Variants in VEPH1 observed in about 807,000 individuals in gnomAD.
The protein encoded by VEPH1 is ventricular zone-expressed PH domain-containing protein homolog 1.
A neutral mutation model predicts 85.2 loss-of-function variants in VEPH1; 80 were observed. That is an observed-to-expected ratio of 0.94 (90% CI 0.78 to 1.13). VEPH1 has a LOEUF of 1.13. Among genes scored for constraint, VEPH1 ranks in the 50% most tolerant of loss-of-function variants. The pLI, the probability that VEPH1 is intolerant of heterozygous loss-of-function variation, is 0.00. For synonymous variants in VEPH1, 297 were observed against 348.0 expected, an observed-to-expected ratio of 0.85 and a Z score of 1.63; for missense variants, 955 against 980.5, an observed-to-expected ratio of 0.97 and a Z score of 0.35.
rs373992792 is a variant in VEPH1 at position 157,495,356 on chromosome 3, G to A, written c.-7C>T. On this transcript the variant is annotated 5_prime_UTR_variant, in exon 2 of 14. Coordinates refer to ENST00000362010, the MANE Select transcript of VEPH1 (RefSeq NM_001167912.2). Reference sequence around the variant, plus strand: ...GTCTGAACAGTTGATGCATGGTGAGGATGAGTTTGATCAGTTGACTTTCTA... The same window carrying A: ...GTCTGAACAGTTGATGCATGGTGAGAATGAGTTTGATCAGTTGACTTTCTA... 2.5e-6 allele frequency: 4 copies of A among 1,613,530 alleles called. No individual in the cohort carries two copies. The highest frequency in any genetic ancestry group is 3.4e-6 in the Non-Finnish European group (4 of 1,179,702).
chr3:157,282,861 T>A (rs1302224000), intron 12 of VEPH1, among the ~76,000 whole-genome samples: 1 of 152,230 alleles, frequency 6.6e-6, no homozygotes, highest in African/African-American at 2.4e-5. Context: ...CTCTCATTCA[T>A]GTGGAATAAC....
At chr3:157,486,144 A>G (rs1295611203) in intron 2 of VEPH1, among the ~76,000 whole-genome samples, 1 of 152,204 alleles carries the variant, frequency 6.6e-6, no homozygotes, top group Admixed American at 6.5e-5. Flanking sequence ...TAATATAGAT[A>G]TTAAGACATC....
intron 11 of VEPH1, among the ~76,000 whole-genome samples, chr3:157,311,129 A>G (rs541717944): frequency 6.6e-6 from 1 of 152,366 alleles, no homozygotes; most frequent in Admixed American, 6.5e-5. Flanking sequence ...TGGTCAATAC[A>G]GCAAAATCCC....
intron 3 of VEPH1, among the ~76,000 whole-genome samples, chr3:157,462,061 T>C (rs1397312604): frequency 1.4e-5 from 2 of 147,850 alleles, no homozygotes; most frequent in South Asian, 2.1e-4. Flanking sequence ...ATAATATATA[T>C]TATAAATATA....
At chr3:157,362,068 T>A (rs1232534047) in intron 9 of VEPH1, among the ~76,000 whole-genome samples, 1 of 152,052 alleles carries the variant, frequency 6.6e-6, no homozygotes, top group Non-Finnish European at 1.5e-5. Flanking sequence ...TCCCACTCAA[T>A]TGCCCAGGCT....
intron 9 of VEPH1, among the ~76,000 whole-genome samples, chr3:157,357,028 C>A (rs974197871): frequency 2.6e-5 from 4 of 152,108 alleles, no homozygotes; most frequent in Non-Finnish European, 5.9e-5. Context: ...ACCCTTCTAT[C>A]TTAATAATAA....
chr3:157,267,529 A>G (rs1050027658), intron 12 of VEPH1, among the ~76,000 whole-genome samples: 2 of 151,880 alleles, frequency 1.3e-5, no homozygotes, highest in Non-Finnish European at 2.9e-5. Flanking sequence ...TCATGCCTGT[A>G]ATCCCAGCAC....
intron 11 of VEPH1, among the ~76,000 whole-genome samples, chr3:157,306,908 T>C (rs1370302127): frequency 1.3e-5 from 2 of 152,144 alleles, no homozygotes; most frequent in Admixed American, 6.5e-5. Context: ...TACATACTCA[T>C]AGCTTAGCTC....
rs762289716 is a variant in VEPH1, at chr3:157,381,380, C to T, written c.907-4G>A. The T allele has an allele frequency of 5.0e-6, 8 of 1,613,730 alleles. No homozygotes were observed. The highest frequency in any genetic ancestry group is 6.8e-6 in the Non-Finnish European group (8 of 1,179,856). ...TCAGGCAGCTCCTGGCTCTCTCCTA[C>T]CAAAAACAATGAAGAAAATAGGTTT... is the stretch of plus-strand genomic sequence containing the variant. On this transcript the variant is annotated splice_polypyrimidine_tract_variant and splice_region_variant and intron_variant, in intron 6 of 13. Transcript: ENST00000362010.
chr3:157,382,098 A>T (rs1007162131), intron 6 of VEPH1, among the ~76,000 whole-genome samples: 1 of 152,178 alleles, frequency 6.6e-6, no homozygotes, highest in Non-Finnish European at 1.5e-5. Context: ...TGATGGTTGC[A>T]TATTCCACTA....
At chr3:157,484,143 A>G (rs756270169) in intron 2 of VEPH1, among the ~76,000 whole-genome samples, 1 of 152,214 alleles carries the variant, frequency 6.6e-6, no homozygotes, top group Non-Finnish European at 1.5e-5. Flanking sequence ...ACATTTCATA[A>G]CAGCAATAAT....
intron 4 of VEPH1, among the ~76,000 whole-genome samples, chr3:157,457,075 T>C (rs1003283819): frequency 3.3e-5 from 5 of 152,288 alleles, no homozygotes; most frequent in South Asian, 2.1e-4. Flanking sequence ...GTTCTCCTTA[T>C]AGAGATCTTT....
chr3:157,415,230 A>G (rs1031901909), intron 5 of VEPH1: 1 of 152,020 alleles, frequency 6.6e-6, no homozygotes, highest in Non-Finnish European at 1.5e-5. Context: ...CCATTAATTC[A>G]CTCATTCACA....
chr3:157,295,465 TG>T (rs1718006216), intron 11 of VEPH1, among the ~76,000 whole-genome samples: 1 of 152,106 alleles, frequency 6.6e-6, no homozygotes. Context: ...ATTATCATTT[TG>T]TTGACATGTT....
chr3:157,281,033 G>A (rs1206492988), intron 12 of VEPH1, among the ~76,000 whole-genome samples: 1 of 151,978 alleles, frequency 6.6e-6, no homozygotes, highest in Non-Finnish European at 1.5e-5. Flanking sequence ...AGGACAGAGA[G>A]AGAGAAATTA....
intron 9 of VEPH1, among the ~76,000 whole-genome samples, chr3:157,331,596 C>A (rs983190838): frequency 6.6e-6 from 1 of 152,072 alleles, no homozygotes; most frequent in Non-Finnish European, 1.5e-5. Context: ...TGCAGAGGAC[C>A]GCAGGACACC....
intron 11 of VEPH1, among the ~76,000 whole-genome samples, chr3:157,304,617 A>G (rs1392785523): frequency 1.3e-5 from 2 of 152,162 alleles, no homozygotes; most frequent in East Asian, 3.8e-4. Flanking sequence ...CATTTCTTCA[A>G]TAAATCAACT....
chr3:157,282,678 A>G (rs1716289357), intron 12 of VEPH1, among the ~76,000 whole-genome samples: 1 of 152,220 alleles, frequency 6.6e-6, no homozygotes, highest in Non-Finnish European at 1.5e-5. Flanking sequence ...CTACTTTAAC[A>G]AAATGTGACT....
chr3:157,439,256 AT>A (rs769825473), intron 4 of VEPH1, among the ~76,000 whole-genome samples: 1 of 152,190 alleles, frequency 6.6e-6, no homozygotes, highest in African/African-American at 2.4e-5. Flanking sequence ...GAATTACTCT[AT>A]TTTTTATCTT....
Sources: gnomAD v4.1 joint callset for allele counts (sites outside exome capture counted in the v4.1 genomes callset) on GRCh38, gnomAD v4.1.1 for gene constraint, MANE v1.5 for transcripts, NCBI Gene and HGNC (gene_info 2026-07-23, HGNC 2026-07-21) for gene names.